AXIN1: variants seen among roughly 807,000 people sequenced by gnomAD.
AXIN1 encodes axin 1.
A neutral mutation model predicts 76.4 loss-of-function variants in AXIN1; 30 were observed. The ratio of observed to expected loss-of-function variants is 0.39; its 90% CI spans 0.29 to 0.53. The LOEUF is 0.53. AXIN1 is among the 20% of genes least tolerant of loss of function. The pLI is 0.66. For missense variants in AXIN1, 1,140 were observed against 1,198.8 expected, an observed-to-expected ratio of 0.95 and a Z score of 0.72; for synonymous variants, 545 against 501.4, an observed-to-expected ratio of 1.09 and a Z score of -1.16.
chr16:334,569 TG>T, intron 2 of AXIN1, among the ~76,000 whole-genome samples: 1 of 97,542 alleles, frequency 1.0e-5, no homozygotes, highest in East Asian at 2.4e-4. Context: ...CCCAGTACCA[TG>T]GCACACTAAT....
chr16:320,743 A>ATATATATATATATT (rs397722732), intron 2 of AXIN1, among the ~76,000 whole-genome samples: 62 of 107,582 alleles, frequency 5.8e-4, no homozygotes, highest in African/African-American at 2.9e-3. Flanking sequence ...ATATATATAT[A>ATATATATATATATT]TTTTTTTTTT....
Position 329,968 on chromosome 16 carries a change from A to C in AXIN1, c.879-15285T>G, listed in dbSNP as rs547353418. On this transcript the variant is annotated intron_variant, in intron 2 of 10. Transcript: ENST00000262320. ...TTTTTAGTAGAGACGGGGTTTCACC[A>C]TGTTGGTCAGGCTGGTCTCAAACTC... Among the ~76,000 whole-genome samples the C allele has an allele frequency of 2.6e-5, 4 of 151,424 alleles. No individual in the cohort carries two copies. The South Asian group carries it at 6.3e-4, about 24-fold the overall frequency.
At chr16:288,524 G>A (rs1202532657) in intron 10 of AXIN1, among the ~76,000 whole-genome samples, 2 of 152,242 alleles carry the variant, frequency 1.3e-5, no homozygotes, top group East Asian at 1.9e-4. Context: ...AGGAGTTGCA[G>A]GGGGGAAGTG....
intron 1 of AXIN1, among the ~76,000 whole-genome samples, chr16:351,461 T>G (rs1192519192): frequency 6.6e-6 from 1 of 152,006 alleles, no homozygotes; most frequent in African/African-American, 2.4e-5. Flanking sequence ...AATACAAAAA[T>G]TAGCCGGATG....
rs1162957114 is a variant in AXIN1, at chr16:346,803, T to A, written c.223A>T (p.Ser75Cys). 6.2e-7 allele frequency: 1 copy of A among 1,612,604 alleles called. No homozygotes were observed. Among genetic ancestry groups the A allele is most frequent in the Non-Finnish European group, 8.5e-7 (1 of 1,178,896 alleles). The part of the protein sequence containing the change: ...DLDLGYEPEG[S>C]ASPTPPYLKW... ...AAGTATGGTGGGGTGGGGGAGGCAC[T>A]GCCCTCAGGCTCATACCCCAGGTCC... is the stretch of plus-strand genomic sequence containing the variant. Residue 75 changes from serine to cysteine, a missense_variant, in exon 2 of 11, where the codon AGT becomes TGT. By Grantham distance (112) the Ser-to-Cys change is moderately radical. This residue lies in a region of AXIN1 where 708 missense variants were observed against 776.9 expected (regional missense o/e 0.91). Coordinates refer to ENST00000262320, the MANE Select transcript of AXIN1 (RefSeq NM_003502.4).
intron 7 of AXIN1, among the ~76,000 whole-genome samples, chr16:295,575 T>C (rs1332246145): frequency 6.6e-6 from 1 of 151,780 alleles, no homozygotes; most frequent in East Asian, 1.9e-4. Flanking sequence ...AAAGTCTTAA[T>C]GAATAAAAAG....
chr16:346,421 A>C lies in AXIN1; in HGVS notation c.605T>G (p.Leu202Arg). 1 of 1,614,212 alleles carries C rather than the reference A, an allele frequency of 6.2e-7. No homozygotes were observed. Among genetic ancestry groups the C allele is most frequent in the Non-Finnish European group, 8.5e-7 (1 of 1,180,034 alleles). Residue 202 changes from leucine (L) to arginine (R), a missense_variant, in exon 2 of 11, where the codon CTT (leucine) becomes CGT (arginine). Transcript: ENST00000262320. ...ATATTCCAAATAAATATCAGACTTA[A>C]GGAAGGAGGGATAGGTGTTTTCCTC... ...TMEENTYPSF[L>R]KSDIYLEYTR...
At chr16:311,056 G>A (rs1024880954) in intron 3 of AXIN1, among the ~76,000 whole-genome samples, 6 of 152,026 alleles carry the variant, frequency 3.9e-5, no homozygotes, top group African/African-American at 7.2e-5. Context: ...TTTTTGAGAC[G>A]GAGTCTTGCT....
intron 7 of AXIN1, among the ~76,000 whole-genome samples, chr16:294,437 T>C (rs1296309398): frequency 3.5e-5 from 4 of 113,934 alleles, no homozygotes; most frequent in East Asian, 2.6e-4. Context: ...CACTCCAGCC[T>C]AGGCAAGAGT....
chr16:346,254 C>A lies in AXIN1; in HGVS notation c.772G>T (p.Gly258Cys), dbSNP rs2141701089. ...KCDQDMDEDD[G>C]RDAAPPGRLP... is the part of the protein sequence containing the mutation. ...CTTCCGGGGGGAGCAGCGTCTCTGC[C>A]ATCGTCCTCATCCATGTCCTGGTCA... is the stretch of plus-strand genomic sequence containing the variant. Residue 258 changes from glycine (G) to cysteine (C), a missense_variant, in exon 2 of 11, where the codon GGC becomes TGC. By Grantham distance (159) the Gly-to-Cys change is radical. Transcript: ENST00000262320. The A allele has an allele frequency of 6.2e-7, 1 of 1,614,196 alleles. No individual in the cohort carries two copies.
intron 4 of AXIN1, 55 bp downstream of exon 4, chr16:309,918 G>A: frequency 6.4e-7 from 1 of 1,563,536 alleles, no homozygotes; most frequent in Non-Finnish European, 8.8e-7. Context: ...CAGTTCACCA[G>A]GCCCACGCTG....
At chr16:344,635 T>C (rs1045647892) in intron 2 of AXIN1, among the ~76,000 whole-genome samples, 3 of 151,742 alleles carry the variant, frequency 2.0e-5, no homozygotes, top group Admixed American at 6.6e-5. Context: ...ATTACAGGCA[T>C]GCGCCAACTC....
intron 9 of AXIN1, chr16:290,055 C>T (rs1206131658): frequency 7.9e-6 from 2 of 254,082 alleles, no homozygotes; most frequent in Non-Finnish European, 7.8e-6. Context: ...AGGACTGGGG[C>T]GGGGGTGGCC....
chr16:320,741 A>ATG (rs1303646861), intron 2 of AXIN1, among the ~76,000 whole-genome samples: 8 of 92,062 alleles, frequency 8.7e-5, no homozygotes, highest in African/African-American at 3.9e-4. Context: ...ATATATATAT[A>ATG]TATTTTTTTT....
intron 3 of AXIN1, 79 bp from the exon 4 acceptor site, chr16:310,148 C>A (rs55931984): frequency 3.0e-6 from 4 of 1,343,964 alleles, no homozygotes; most frequent in Non-Finnish European, 3.1e-6. Context: ...CTCCTGGCCC[C>A]GACCGCCGGT....
chr16:291,664 G>A (rs12926617), intron 8 of AXIN1: 52,102 of 369,330 alleles, frequency 0.14, 4,276 homozygotes, highest in South Asian at 0.2. Flanking sequence ...ATTCCCCACC[G>A]ATAGCGTGGA....
intron 7 of AXIN1, among the ~76,000 whole-genome samples, chr16:296,001 C>A (rs1052931207): frequency 6.6e-6 from 1 of 152,202 alleles, no homozygotes; most frequent in African/African-American, 2.4e-5. Flanking sequence ...AATGGTGGCT[C>A]ATGCCTGTAG....
At chr16:314,412 C>T (rs1429778251) in intron 3 of AXIN1, 131 bp downstream of exon 3, 14 of 1,418,004 alleles carry the variant, frequency 9.9e-6, no homozygotes, top group African/African-American at 2.8e-5. Flanking sequence ...GGGACTTACA[C>T]GCTGCCATCC....
intron 2 of AXIN1, among the ~76,000 whole-genome samples, chr16:345,640 G>A (rs1480784296): frequency 6.6e-6 from 1 of 152,070 alleles, no homozygotes; most frequent in Non-Finnish European, 1.5e-5. Context: ...CTCAAACCCG[G>A]GAGGCGAAGG....
Sources: allele counts gnomAD v4.1 joint callset (sites outside exome capture counted in the v4.1 genomes callset), GRCh38; gene constraint gnomAD v4.1.1; regional missense constraint gnomAD v4.1.1; transcripts MANE v1.5; gene names NCBI Gene and HGNC (gene_info 2026-07-23, HGNC 2026-07-21).